ZFHX3: variants seen among roughly 807,000 people sequenced by gnomAD.
ZFHX3 encodes zinc finger homeobox 3.
ZFHX3 carries 42 observed loss-of-function variants against 279.1 expected under a neutral mutation model. The observed-to-expected ratio is 0.15, with a 90% CI of 0.12 to 0.19. ZFHX3 has a LOEUF of 0.19. ZFHX3 is among the 10% of genes least tolerant of loss of function. ZFHX3 has a pLI of 1.00. For missense variants in ZFHX3, 4,981 were observed against 4,754.0 expected (o/e 1.05, Z -1.40); for synonymous variants, 2,293 against 1,957.8 (o/e 1.17, Z -4.52).
intron 1 of ZFHX3, among the ~76,000 whole-genome samples, chr16:73,834,074 T>C (rs1961072867): frequency 6.6e-6 from 1 of 152,094 alleles, no homozygotes; most frequent in South Asian, 2.1e-4. Flanking sequence ...GTGATGTGCT[T>C]GAGTCACTCA....
intron 2 of ZFHX3, among the ~76,000 whole-genome samples, chr16:73,473,739 A>G (rs754047): frequency 0.096 from 14,632 of 152,286 alleles, 1,031 homozygotes; most frequent in Admixed American, 0.25. Context: ...AAATGCTAAA[A>G]CAAACACAAA....
At chr16:73,505,856 G>A (rs2019317777) in intron 2 of ZFHX3, among the ~76,000 whole-genome samples, 1 of 152,234 alleles carries the variant, frequency 6.6e-6, no homozygotes, top group Non-Finnish European at 1.5e-5. Flanking sequence ...AATGTGAATA[G>A]GCTCATGAGA....
intron 2 of ZFHX3, among the ~76,000 whole-genome samples, chr16:73,565,124 C>T (rs1482735688): frequency 1.3e-5 from 2 of 152,050 alleles, no homozygotes; most frequent in Non-Finnish European, 2.9e-5. Flanking sequence ...TGTGGTGGCA[C>T]ATACCTGTAG....
intron 3 of ZFHX3, among the ~76,000 whole-genome samples, chr16:73,324,999 C>T (rs551600485): frequency 1.3e-5 from 2 of 152,092 alleles, no homozygotes; most frequent in South Asian, 4.2e-4. Flanking sequence ...AATAAAAAAC[C>T]TTATATTTTT....
exon 6 of ZFHX3, chr16:73,143,794 G>C (rs1483479017): frequency 1.5e-6 from 2 of 1,305,228 alleles, no homozygotes; most frequent in Admixed American, 4.6e-5. Context: ...AATAGCGCTA[G>C]GCTAGACTTC....
intron 1 of ZFHX3, chr16:73,813,826 A>G (rs947561129): frequency 1.4e-4 from 21 of 152,248 alleles, no homozygotes; most frequent in African/African-American, 5.1e-4. Context: ...GATCATGGCT[A>G]TCAGATGGGT....
chr16:73,266,357 T>C lies in ZFHX3; in HGVS notation c.-1193-9221A>G, dbSNP rs114561119. Among the ~76,000 whole-genome samples the C allele has an allele frequency of 6.6e-3, 1,004 of 152,350 alleles. 17 individuals are homozygous for C. Among genetic ancestry groups the C allele is most frequent in the African/African-American group, 0.023 (954 of 41,594 alleles). Reference sequence around the variant, plus strand: ...TTTAGTTTCTATTTAGTATAGTTTATATTATTTCTATTTAGTATTACTTTC... The same window carrying C: ...TTTAGTTTCTATTTAGTATAGTTTACATTATTTCTATTTAGTATTACTTTC... On this transcript the variant is annotated intron_variant, in intron 4 of 17. Coordinates refer to the ZFHX3 transcript ENST00000641206.
chr16:73,376,900 T>C (rs1020036040), intron 3 of ZFHX3, among the ~76,000 whole-genome samples: 4 of 152,220 alleles, frequency 2.6e-5, no homozygotes, highest in African/African-American at 9.7e-5. Flanking sequence ...CTTCTAATTA[T>C]TGCCCTTTAA....
In ZFHX3 at chr16:72,839,458, G is replaced by A. The variant is rs2037289145; in HGVS notation, c.3449-9599C>T. 2.0e-5 allele frequency among the ~76,000 whole-genome samples: 3 copies of A among 152,138 alleles called. No homozygotes were observed. The South Asian group carries it at 6.2e-4, about 32-fold the overall frequency. ...ACACCAAACTGGAATGTTCTAGAAAGAAGGGGCATGCAAAATAGAAGGTCC... is the reference window on the plus strand; with the variant it reads ...ACACCAAACTGGAATGTTCTAGAAAAAAGGGGCATGCAAAATAGAAGGTCC... On this transcript the variant is annotated intron_variant, in intron 4 of 9. Coordinates refer to ENST00000268489, the MANE Select transcript of ZFHX3 (RefSeq NM_006885.4).
intron 1 of ZFHX3, among the ~76,000 whole-genome samples, chr16:73,055,678 ACGCG>A (rs141836776): frequency 0.018 from 2,107 of 117,202 alleles, 25 homozygotes; most frequent in Middle Eastern, 0.057. Flanking sequence ...GTGCAGACGT[ACGCG>A]CGCGCGCGCG....
intron 1 of ZFHX3, among the ~76,000 whole-genome samples, chr16:73,055,477 G>T (rs555784605): frequency 9.9e-5 from 15 of 152,184 alleles, no homozygotes; most frequent in African/African-American, 3.6e-4. Context: ...CTGAGCAGCT[G>T]ACCTGACCCC....
chr16:73,749,114 T>A (rs1009380141), intron 1 of ZFHX3, among the ~76,000 whole-genome samples: 2 of 152,056 alleles, frequency 1.3e-5, no homozygotes, highest in African/African-American at 2.4e-5. Flanking sequence ...AAACTACCAA[T>A]CTTTCAGCCT....
At chr16:73,700,397 A>G (rs1307961690) in intron 1 of ZFHX3, among the ~76,000 whole-genome samples, 2 of 152,250 alleles carry the variant, frequency 1.3e-5, no homozygotes, top group African/African-American at 2.4e-5. Context: ...GCAAGACACG[A>G]TGATCTTTCA....
chr16:72,853,676 A>G (rs1426720830), intron 4 of ZFHX3, among the ~76,000 whole-genome samples: 3 of 152,254 alleles, frequency 2.0e-5, no homozygotes, highest in Non-Finnish European at 2.9e-5. Context: ...CAAAAGAGGA[A>G]GGTAGGCATT....
intron 3 of ZFHX3, chr16:73,389,048 G>A (rs1004165445): frequency 2.0e-5 from 3 of 152,160 alleles, no homozygotes; most frequent in South Asian, 2.1e-4. Flanking sequence ...ACAAATACAC[G>A]TCCCTATGTG....
At chr16:73,704,383 A>G (rs2053283828) in intron 1 of ZFHX3, among the ~76,000 whole-genome samples, 1 of 152,156 alleles carries the variant, frequency 6.6e-6, no homozygotes, top group Admixed American at 6.5e-5. Context: ...CACCTCAAAC[A>G]CAGAAGAAAG....
Position 72,795,775 on chromosome 16 carries a change from T to A in ZFHX3, c.6907A>T (p.Asn2303Tyr). Residue 2303 changes from asparagine to tyrosine, a missense_variant, in exon 9 of 10, where the codon AAT becomes TAT. Asn to Tyr is a moderately radical substitution (Grantham distance 143, BLOSUM62 -2). Coordinates refer to ENST00000268489, the MANE Select transcript of ZFHX3 (RefSeq NM_006885.4). ...ARQKARKNYE[N>Y]QGEGKDGERR... ...TCTCCATCTTTGCCCTCTCCCTGAT[T>A]CTCATAATTCTTCCTGGCCTTCTGT... 1 of 1,614,190 alleles carries A rather than the reference T, an allele frequency of 6.2e-7. No homozygotes were observed. The highest frequency in any genetic ancestry group is 8.5e-7 in the Non-Finnish European group (1 of 1,180,038).
intron 1 of ZFHX3, among the ~76,000 whole-genome samples, chr16:73,032,327 A>AAAAAAC (rs1446620330): frequency 6.6e-6 from 1 of 152,236 alleles, no homozygotes; most frequent in African/African-American, 2.4e-5. Flanking sequence ...AAGCAAAACA[A>AAAAAAC]AAAAACAAAA....
At chr16:73,582,774 G>A (rs1399879902) in intron 2 of ZFHX3, among the ~76,000 whole-genome samples, 1 of 151,854 alleles carries the variant, frequency 6.6e-6, no homozygotes, top group Non-Finnish European at 1.5e-5. Context: ...ACCATGCCTG[G>A]CCATTAACTA....
Sources: gnomAD v4.1 joint callset for allele counts (sites outside exome capture counted in the v4.1 genomes callset) on GRCh38, gnomAD v4.1.1 for gene constraint, MANE v1.5 for transcripts, NCBI Gene and HGNC (gene_info 2026-07-23, HGNC 2026-07-21) for gene names.